GRM1: variants seen among roughly 807,000 people sequenced by gnomAD.
GRM1 encodes the protein glutamate metabotropic receptor 1.
Under a neutral mutation model 90.9 loss-of-function variants are expected in GRM1, and 33 were observed. That is an observed-to-expected ratio of 0.36 (90% CI 0.28 to 0.49). The LOEUF is 0.49. Ranked by LOEUF, GRM1 falls within the 20% of genes least tolerant of loss-of-function variation. The probability of loss-of-function intolerance (pLI) is 0.99; values close to 1 mark genes in which losing one functional copy is unlikely to be tolerated. For synonymous variants in GRM1, 700 were observed against 613.2 expected, an observed-to-expected ratio of 1.14 and a Z score of -2.09; for missense variants, 1,190 against 1,534.3, an observed-to-expected ratio of 0.78 and a Z score of 3.75.
intron 1 of GRM1, among the ~76,000 whole-genome samples, chr6:146,081,871 A>C (rs942057151): frequency 5.9e-5 from 9 of 152,212 alleles, no homozygotes; most frequent in African/African-American, 2.2e-4. Context: ...TAAGTAAAAT[A>C]CTGTGGCAAC....
chr6:146,077,877 C>CAATGCTGGCTCTG (rs1158753518), intron 1 of GRM1, among the ~76,000 whole-genome samples: 2 of 152,128 alleles, frequency 1.3e-5, no homozygotes, highest in African/African-American at 4.8e-5. Context: ...AGAGGCAACT[C>CAATGCTGGCTCTG]AATGCTGGCT....
intron 1 of GRM1, among the ~76,000 whole-genome samples, chr6:146,066,187 CA>C (rs1257702546): frequency 1.3e-5 from 2 of 152,126 alleles, no homozygotes; most frequent in African/African-American, 4.8e-5. Context: ...GTATATTACC[CA>C]ACAGACAGTT....
chr6:146,304,174 C>A (rs1296698145), intron 2 of GRM1, among the ~76,000 whole-genome samples: 1 of 152,110 alleles, frequency 6.6e-6, no homozygotes, highest in African/African-American at 2.4e-5. Context: ...TGTAAGGTAG[C>A]TCATGTAATG....
At chr6:146,328,170 G>T (rs1355336786) in intron 3 of GRM1, among the ~76,000 whole-genome samples, 2 of 152,158 alleles carry the variant, frequency 1.3e-5, no homozygotes, top group Non-Finnish European at 2.9e-5. Context: ...AACCAGATGG[G>T]ATTTTCTGTA....
chr6:146,179,168 C>G (rs946659379), intron 2 of GRM1, among the ~76,000 whole-genome samples: 1 of 152,198 alleles, frequency 6.6e-6, no homozygotes, highest in African/African-American at 2.4e-5. Flanking sequence ...AATCAACACT[C>G]TCACGTGCAC....
chr6:146,427,761 C>G (rs915703354), intron 7 of GRM1, among the ~76,000 whole-genome samples: 2 of 152,190 alleles, frequency 1.3e-5, no homozygotes, highest in Non-Finnish European at 2.9e-5. Context: ...CAGAGCCACT[C>G]TACTGTGGCT....
chr6:146,151,865 A>G (rs1777349685), intron 1 of GRM1, among the ~76,000 whole-genome samples: 1 of 152,150 alleles, frequency 6.6e-6, no homozygotes, highest in Non-Finnish European at 1.5e-5. Context: ...TGTAAGCTCC[A>G]TGTGTTCTCC....
rs965990929 is a variant in GRM1 at position 146,399,101 on chromosome 6, G to T, written c.2062G>T (p.Gly688Cys). Reference protein sequence around the residue: ...KTNRIARILAGSKKKICTRKP... With the variant: ...KTNRIARILACSKKKICTRKP... The stretch of plus-strand genomic sequence containing the variant: ...CAATCGTATTGCACGCATCCTGGCT[G>T]GCAGCAAGAAGAAGATCTGCACCCG... The change falls in exon 7 of 8, where the codon GGC becomes TGC. Residue 688 changes from glycine (G) to cysteine (C), a missense_variant. By Grantham distance (159) the Gly-to-Cys change is radical (BLOSUM62 -3). Around this residue, in one of 10 missense-constraint regions of GRM1, gnomAD observed 414 missense variants for 598.4 expected, o/e 0.69. Transcript: ENST00000282753. This position sits in a 1 kb window ranked among gnomAD's most constrained non-coding sequence, Gnocchi z 5.4. 1 of 1,613,952 alleles carries T rather than the reference G, an allele frequency of 6.2e-7. No homozygotes were observed. The highest frequency in any genetic ancestry group is 1.3e-5 in the African/African-American group (1 of 74,890).
At position 146,428,776 on chromosome 6, in the gene GRM1, C is replaced by A. The variant is rs116434654; in HGVS notation, c.2661-5096C>A. Among the ~76,000 whole-genome samples the A allele has an allele frequency of 2.1e-3, 318 of 152,186 alleles. 2 individuals are homozygous for A. Among genetic ancestry groups the A allele is most frequent in the African/African-American group, 7.4e-3 (306 of 41,504 alleles). On this transcript the variant is annotated intron_variant, in intron 7 of 7. Coordinates refer to ENST00000282753, the MANE Select transcript of GRM1 (RefSeq NM_001278064.2). ...AGAATTTCTTAGATCAGCCAGTAAT[C>A]ATGATTAGGTTGAACTAAAGACCAT...
At position 146,124,587 on chromosome 6, in the gene GRM1, T is replaced by C. The variant is rs140975945; in HGVS notation, c.701-34761T>C. ...GCAACAATTATCTTCATGATCTTAG[T>C]ATCAACTATACCTATTTCTGTGGCA... On this transcript the variant is annotated intron_variant, in intron 1 of 7. Transcript: ENST00000282753. Among the ~76,000 whole-genome samples, 309 of 152,288 alleles carry C rather than the reference T, an allele frequency of 2.0e-3. 2 individuals are homozygous for C. Among genetic ancestry groups the C allele is most frequent in the African/African-American group, 7.1e-3 (297 of 41,574 alleles).
intron 2 of GRM1, among the ~76,000 whole-genome samples, chr6:146,214,029 G>A (rs1428842804): frequency 1.3e-5 from 2 of 152,126 alleles, no homozygotes; most frequent in African/African-American, 4.8e-5. Flanking sequence ...CAGAGAAAAA[G>A]AGAGAGTCCA....
intron 2 of GRM1, among the ~76,000 whole-genome samples, chr6:146,247,499 A>G (rs1364818819): frequency 6.6e-6 from 1 of 152,172 alleles, no homozygotes. Flanking sequence ...CTGTAATCCC[A>G]GCACTTTGGG....
chr6:146,276,926 C>A (rs1782391379), intron 2 of GRM1, among the ~76,000 whole-genome samples: 1 of 152,044 alleles, frequency 6.6e-6, no homozygotes, highest in Admixed American at 6.6e-5. Flanking sequence ...TATAGTGATA[C>A]CCCCATCTCT....
At chr6:146,079,227 C>T (rs537387697) in intron 1 of GRM1, among the ~76,000 whole-genome samples, 1 of 152,102 alleles carries the variant, frequency 6.6e-6, no homozygotes, top group Non-Finnish European at 1.5e-5. Context: ...TTGCAATGCC[C>T]GTGGGCTGGA....
intron 2 of GRM1, among the ~76,000 whole-genome samples, chr6:146,298,167 T>C (rs371137763): frequency 2.6e-5 from 4 of 152,324 alleles, no homozygotes; most frequent in South Asian, 2.1e-4. Flanking sequence ...TTATTCATGA[T>C]ACCTACCCTC....
At chr6:146,233,695 G>T (rs1237130075) in intron 2 of GRM1, among the ~76,000 whole-genome samples, 1 of 152,038 alleles carries the variant, frequency 6.6e-6, no homozygotes, top group South Asian at 2.1e-4. Context: ...TTAAAAATGT[G>T]TTAGGATTTG....
intron 1 of GRM1, among the ~76,000 whole-genome samples, chr6:146,082,921 G>A (rs762913099): frequency 3.9e-5 from 6 of 152,122 alleles, no homozygotes; most frequent in Admixed American, 6.6e-5. Context: ...TTGAGCAGTG[G>A]TTTGTAGTTC....
intron 1 of GRM1, among the ~76,000 whole-genome samples, chr6:146,040,235 A>T (rs986254813): frequency 1.3e-5 from 2 of 152,062 alleles, no homozygotes; most frequent in Admixed American, 1.3e-4. Flanking sequence ...AAGAAAGCTG[A>T]TGGGTAAAAG....
intron 1 of GRM1, among the ~76,000 whole-genome samples, chr6:146,148,172 A>G (rs1177430251): frequency 1.3e-5 from 2 of 152,222 alleles, no homozygotes; most frequent in African/African-American, 4.8e-5. Context: ...ACCCTGTAAT[A>G]GCTGTGCTTG....
Sources: allele counts gnomAD v4.1 joint callset (sites outside exome capture counted in the v4.1 genomes callset), GRCh38; gene constraint gnomAD v4.1.1; regional missense constraint gnomAD v4.1.1; non-coding constraint Gnocchi (gnomAD v3.1); transcripts MANE v1.5; gene names NCBI Gene and HGNC (gene_info 2026-07-23, HGNC 2026-07-21).